Variants in TTC39B observed in about 807,000 individuals in gnomAD.
TTC39B encodes tetratricopeptide repeat domain 39B.
A neutral mutation model predicts 96.6 loss-of-function variants in TTC39B; 92 were observed. The observed-to-expected ratio is 0.95, with a 90% confidence interval of 0.80 to 1.13. TTC39B has a LOEUF of 1.13. Ranked by LOEUF, TTC39B falls within the 50% of genes most tolerant of loss-of-function variation. TTC39B has a pLI of 0.00. For missense variants in TTC39B, 955 were observed against 809.3 expected, an observed-to-expected ratio of 1.18 and a Z score of -2.18; for synonymous variants, 367 against 299.4, an observed-to-expected ratio of 1.23 and a Z score of -2.33.
In TTC39B at chr9:15,171,669, AG is replaced by A. The variant is rs1417437200; in HGVS notation, c.*349del. On this transcript the variant is annotated 3_prime_UTR_variant, in exon 20 of 20. Transcript: ENST00000512701. ...AAATCCAAAATTGGCTCAACTTGTA[AG>A]CTATTTGCTAAACAATATTAATTTT... is the stretch of plus-strand genomic sequence containing the variant. The A allele has an allele frequency of 8.4e-3, 1,300 of 154,446 alleles. 24 individuals carry two copies. Among genetic ancestry groups the A allele is most frequent in the African/African-American group, 0.029 (1,226 of 41,660 alleles). 9.6% of individuals were successfully genotyped at this position (154,446 alleles called of 1,614,324 possible).
intron 1 of TTC39B, among the ~76,000 whole-genome samples, chr9:15,272,931 G>A (rs977235633): frequency 6.6e-6 from 1 of 152,168 alleles, no homozygotes; most frequent in Non-Finnish European, 1.5e-5. Context: ...GCTGCCTCCT[G>A]GGAGATCAGC....
chr9:15,209,021 T>A (rs903967263), intron 6 of TTC39B, among the ~76,000 whole-genome samples: 2 of 152,218 alleles, frequency 1.3e-5, no homozygotes, highest in African/African-American at 4.8e-5. Flanking sequence ...TTCTAGTAGC[T>A]TTGTATTTTG....
chr9:15,242,993 C>G (rs1244742579), intron 2 of TTC39B, among the ~76,000 whole-genome samples: 1 of 152,304 alleles, frequency 6.6e-6, no homozygotes, highest in East Asian at 1.9e-4. Flanking sequence ...ATGCCAAGCC[C>G]TTGGGCCACA....
intron 1 of TTC39B, among the ~76,000 whole-genome samples, chr9:15,269,652 G>C (rs900592256): frequency 2.0e-5 from 3 of 152,102 alleles, no homozygotes; most frequent in Non-Finnish European, 4.4e-5. Context: ...AGGAGTTGGA[G>C]ACCAGCCTGG....
chr9:15,271,128 GT>G (rs1285841890), intron 1 of TTC39B, among the ~76,000 whole-genome samples: 3 of 151,176 alleles, frequency 2.0e-5, no homozygotes, highest in African/African-American at 7.3e-5. Context: ...AAATTAGACA[GT>G]TGGGCAGGAT....
At chr9:15,189,152 C>T (rs191579412) in intron 13 of TTC39B, among the ~76,000 whole-genome samples, 276 of 152,226 alleles carry the variant, frequency 1.8e-3, no homozygotes, top group Middle Eastern at 3.4e-3. Flanking sequence ...CTTCTGACCT[C>T]GACGCTTCGT....
At chr9:15,166,983 TATATATATATATA>T (rs1306908657) in exon 20 of TTC39B, 10 of 4,356 alleles carry the variant, frequency 2.3e-3, no homozygotes, top group Admixed American at 5.1e-3. Context: ...ACCTTTATTT[TATATATATATATA>T]TATATATATA....
rs1474153915 is a variant in TTC39B at position 15,254,848 on chromosome 9, CACACACACACACAA to C, written c.275+13052_275+13065del. Among the ~76,000 whole-genome samples, 3 of 141,596 alleles carry C rather than the reference CACACACACACACAA, an allele frequency of 2.1e-5. No individual in the cohort carries two copies. In the East Asian group the frequency reaches 5.8e-4, roughly 28 times the overall value. The allele number at this position is 141,596 out of a possible 152,430, so 92.9% of individuals were successfully genotyped here. A position where few individuals can be genotyped will look rare whatever the true frequency, so the allele number is the denominator to read the frequency against. ...CTTTATACACACACACACACACACA[CACACACACACACAA>C]ACACACACACTTTTTTTTTTTTTTT... On this transcript the variant is annotated intron_variant, in intron 2 of 19. Coordinates refer to ENST00000512701, the Ensembl canonical transcript of TTC39B.
At chr9:15,208,539 C>T (rs1482747474) in intron 6 of TTC39B, among the ~76,000 whole-genome samples, 1 of 152,022 alleles carries the variant, frequency 6.6e-6, no homozygotes, top group African/African-American at 2.4e-5. Flanking sequence ...TCTCATTAAC[C>T]CATTTTAGTG....
intron 3 of TTC39B, among the ~76,000 whole-genome samples, chr9:15,219,297 A>G (rs1040034992): frequency 6.6e-6 from 1 of 152,178 alleles, no homozygotes; most frequent in African/African-American, 2.4e-5. Flanking sequence ...ATATTGAGGC[A>G]TTACTACAAT....
rs1824483584 is a variant in TTC39B, at chr9:15,299,024, G to C, written c.240+8060C>G. ...TTCCTGACTACCCTCTCTCCCAGGA[G>C]AGGTGCCCTCCTCTGTGCTCACAAA... On this transcript the variant is annotated intron_variant, in intron 1 of 19. Coordinates refer to ENST00000512701, the Ensembl canonical transcript of TTC39B. Among the ~76,000 whole-genome samples, 5 of 152,212 alleles carry C rather than the reference G, an allele frequency of 3.3e-5. No individual in the cohort carries two copies. In the South Asian group the frequency reaches 8.3e-4, roughly 25 times the overall value.
chr9:15,218,230 T>C (rs886552361), intron 3 of TTC39B, among the ~76,000 whole-genome samples: 3 of 141,006 alleles, frequency 2.1e-5, no homozygotes, highest in Non-Finnish European at 3.1e-5. Flanking sequence ...CAGCATAGCA[T>C]CCCCCTCAAG....
intron 13 of TTC39B, among the ~76,000 whole-genome samples, chr9:15,189,035 T>C (rs908346517): frequency 3.3e-5 from 5 of 152,052 alleles, no homozygotes; most frequent in Admixed American, 1.3e-4. Context: ...ATCCAAGACA[T>C]ATTGTAAACA....
intron 1 of TTC39B, among the ~76,000 whole-genome samples, chr9:15,272,868 G>C (rs1823406863): frequency 6.6e-6 from 1 of 152,158 alleles, no homozygotes; most frequent in South Asian, 2.1e-4. Context: ...TCACCTGTTA[G>C]TTGAAGGATT....
chr9:15,192,518 G>T, intron 9 of TTC39B, 72 bp downstream of exon 9: 2 of 1,160,326 alleles, frequency 1.7e-6, no homozygotes, highest in Non-Finnish European at 1.3e-6. Flanking sequence ...AGGTTCAAAT[G>T]CAGTGGAGAA....
chr9:15,243,399 T>C (rs1288360489), intron 2 of TTC39B, among the ~76,000 whole-genome samples: 2 of 152,110 alleles, frequency 1.3e-5, no homozygotes, highest in Non-Finnish European at 2.9e-5. Context: ...AGAATACAAG[T>C]ACATTTTCAT....
At chr9:15,205,845 G>T (rs1819818083) in intron 6 of TTC39B, among the ~76,000 whole-genome samples, 1 of 152,028 alleles carries the variant, frequency 6.6e-6, no homozygotes, top group Non-Finnish European at 1.5e-5. Flanking sequence ...GGGGCGGAGG[G>T]GACTGTGCTG....
intron 3 of TTC39B, among the ~76,000 whole-genome samples, chr9:15,223,900 C>G (rs1046334669): frequency 6.6e-6 from 1 of 152,048 alleles, no homozygotes; most frequent in Non-Finnish European, 1.5e-5. Flanking sequence ...GATGCCCACC[C>G]TGTGCTATCA....
chr9:15,275,745 A>T (rs764954908), intron 1 of TTC39B, among the ~76,000 whole-genome samples: 10 of 152,188 alleles, frequency 6.6e-5, no homozygotes, highest in Non-Finnish European at 1.5e-4. Context: ...AGTTTACTAC[A>T]GTCATGTTGT....
Sources: allele counts gnomAD v4.1 joint callset (sites outside exome capture counted in the v4.1 genomes callset), GRCh38; gene constraint gnomAD v4.1.1; transcripts MANE v1.5; gene names NCBI Gene and HGNC (gene_info 2026-07-23, HGNC 2026-07-21).